Variants in EHBP1 observed in about 807,000 individuals in gnomAD.
EHBP1 encodes EH domain binding protein 1.
In EHBP1, 55 loss-of-function variants were observed where a neutral mutation model predicts 144.0. The ratio of observed to expected loss-of-function variants is 0.38; its 90% confidence interval spans 0.31 to 0.48. The LOEUF (loss-of-function observed/expected upper bound fraction) is 0.48, where lower values mean the gene tolerates loss of function less well. EHBP1 is among the 20% of genes least tolerant of loss of function. EHBP1 has a pLI of 0.98. For synonymous variants in EHBP1, 469 were observed against 472.7 expected (o/e 0.99, Z 0.10); for missense variants, 1,200 against 1,364.2 (o/e 0.88, Z 1.90).
intron 9 of EHBP1, 141 bp downstream of exon 9, chr2:62,865,112 T>A: frequency 1.1e-6 from 1 of 950,754 alleles, no homozygotes; most frequent in Non-Finnish European, 1.5e-6. Context: ...ACTATCTGAG[T>A]GTTTATAGTC....
chr2:62,773,173 G>A (rs191115182), intron 5 of EHBP1, among the ~76,000 whole-genome samples: 201 of 152,242 alleles, frequency 1.3e-3, no homozygotes, highest in Middle Eastern at 3.4e-3. Context: ...ACAAAACAAA[G>A]GAAGTGCTAT....
upstream of EHBP1, among the ~76,000 whole-genome samples, chr2:62,703,274 G>A (rs2034331355): frequency 6.6e-6 from 1 of 152,076 alleles, no homozygotes; most frequent in African/African-American, 2.4e-5. Flanking sequence ...GGTTGAGGTG[G>A]GAGGACTGCT....
intron 10 of EHBP1, among the ~76,000 whole-genome samples, chr2:62,879,524 A>G (rs1317098518): frequency 6.7e-6 from 1 of 148,176 alleles, no homozygotes; most frequent in Non-Finnish European, 1.5e-5. Flanking sequence ...AGCCAAATTA[A>G]GAACACAGTC....
At chr2:62,937,938 A>G (rs2056491070) in intron 10 of EHBP1, among the ~76,000 whole-genome samples, 1 of 151,996 alleles carries the variant, frequency 6.6e-6, no homozygotes, top group Admixed American at 6.6e-5. Context: ...CCGAGGGGGG[A>G]TTTGGAAGAA....
intron 9 of EHBP1, 137 bp from the exon 10 acceptor site, chr2:62,874,209 T>G (rs891939815): frequency 5.5e-5 from 32 of 584,742 alleles, no homozygotes; most frequent in Admixed American, 3.5e-5. Context: ...TAGTCATTAT[T>G]TCCAAATTCC....
At position 62,707,191 on chromosome 2, in the gene EHBP1, C is replaced by G. The variant is rs761659610; in HGVS notation, c.-1C>G. 17 of 1,613,820 alleles carry G rather than the reference C, an allele frequency of 1.1e-5. No homozygotes were observed. The highest frequency in any genetic ancestry group is 1.4e-5 in the Non-Finnish European group (17 of 1,179,678). ...CTGCTCCAGTGTCTTGACTGATCATCATGGCTTCAGTTTGGAAGAGACTGC... is the reference window on the plus strand; with the variant it reads ...CTGCTCCAGTGTCTTGACTGATCATGATGGCTTCAGTTTGGAAGAGACTGC... On this transcript the variant is annotated 5_prime_UTR_variant, in exon 2 of 23. It adds an upstream start codon to the 5' untranslated region. Transcript: ENST00000431489.
At chr2:62,838,634 C>A (rs1174380354) in intron 7 of EHBP1, among the ~76,000 whole-genome samples, 5 of 150,574 alleles carry the variant, frequency 3.3e-5, no homozygotes, top group Admixed American at 6.6e-5. Context: ...ATCAAATAGA[C>A]ACAATAAAAA....
chr2:62,896,681 T>TAAAA (rs74529720), intron 10 of EHBP1, among the ~76,000 whole-genome samples: 2 of 137,450 alleles, frequency 1.5e-5, no homozygotes, highest in South Asian at 4.7e-4. Flanking sequence ...AGCCCATCTT[T>TAAAA]AAAAAAAAAA....
chr2:62,939,916 A>G (rs17432580), intron 10 of EHBP1: 20,387 of 205,516 alleles, frequency 0.099, 1,302 homozygotes, highest in Non-Finnish European at 0.13. Flanking sequence ...TCCAAGGAAC[A>G]TGTAGGTTAG....
At chr2:62,693,453 A>G (rs1345816783) in intron 1 of EHBP1, among the ~76,000 whole-genome samples, 1 of 152,102 alleles carries the variant, frequency 6.6e-6, no homozygotes, top group African/African-American at 2.4e-5. Flanking sequence ...TATGGTTTGC[A>G]TATATTTTCT....
At chr2:62,775,825 T>C (rs745391385) in intron 5 of EHBP1, among the ~76,000 whole-genome samples, 5 of 152,184 alleles carry the variant, frequency 3.3e-5, no homozygotes, top group Admixed American at 1.3e-4. Context: ...CCCACAGTTA[T>C]ATAGCTAACA....
intron 10 of EHBP1, among the ~76,000 whole-genome samples, chr2:62,885,756 A>G (rs1371439939): frequency 6.6e-6 from 1 of 152,188 alleles, no homozygotes; most frequent in East Asian, 1.9e-4. Flanking sequence ...TGCATAGAAA[A>G]GAGCCCCACC....
At chr2:62,859,143 G>A in intron 7 of EHBP1, 26 bp from the exon 8 acceptor site, 1 of 1,595,760 alleles carries the variant, frequency 6.3e-7, no homozygotes, top group Admixed American at 1.7e-5. Context: ...CCATAATAGG[G>A]AACTAACCCA....
At chr2:62,892,045 G>T (rs886118681) in intron 10 of EHBP1, among the ~76,000 whole-genome samples, 2 of 151,994 alleles carry the variant, frequency 1.3e-5, no homozygotes, top group African/African-American at 4.8e-5. Context: ...TTCCAGTTTG[G>T]GACCATTCTT....
chr2:62,841,840 T>C (rs1293679016), intron 7 of EHBP1, among the ~76,000 whole-genome samples: 1 of 152,130 alleles, frequency 6.6e-6, no homozygotes, highest in Non-Finnish European at 1.5e-5. Flanking sequence ...CCCCTAGTAC[T>C]ACCACTCACC....
chr2:62,951,995 T>C (rs1234500102), intron 13 of EHBP1, among the ~76,000 whole-genome samples: 2 of 152,202 alleles, frequency 1.3e-5, no homozygotes, highest in Non-Finnish European at 2.9e-5. Flanking sequence ...CCATTTAGCC[T>C]CTCTCGATCT....
intron 15 of EHBP1, 131 bp downstream of exon 15, chr2:62,979,466 A>G (rs190360194): frequency 6.6e-6 from 6 of 910,974 alleles, no homozygotes; most frequent in Admixed American, 3.1e-5. Flanking sequence ...ATATGTTGCA[A>G]AACACCTAAA....
chr2:62,886,428 T>G (rs1174172938), intron 10 of EHBP1, among the ~76,000 whole-genome samples: 1 of 152,196 alleles, frequency 6.6e-6, no homozygotes, highest in Non-Finnish European at 1.5e-5. Context: ...ACCTGTAAAT[T>G]TTTTACTTAC....
chr2:63,002,940 A>G (rs565610110), intron 19 of EHBP1, among the ~76,000 whole-genome samples: 1 of 152,034 alleles, frequency 6.6e-6, no homozygotes, highest in African/African-American at 2.4e-5. Context: ...TCATGTAACT[A>G]TTTTATACTA....
Sources: allele counts gnomAD v4.1 joint callset (sites outside exome capture counted in the v4.1 genomes callset), GRCh38; gene constraint gnomAD v4.1.1; transcripts MANE v1.5; gene names NCBI Gene and HGNC (gene_info 2026-07-23, HGNC 2026-07-21).